PIBF1: variants seen among roughly 807,000 people sequenced by gnomAD.
PIBF1 encodes the protein progesterone-induced-blocking factor 1.
A neutral mutation model predicts 112.5 loss-of-function variants in PIBF1; 90 were observed. That is an observed-to-expected ratio of 0.80 (90% CI 0.67 to 0.95). The LOEUF (loss-of-function observed/expected upper bound fraction) is 0.95. PIBF1 is among the 40% of genes least tolerant of loss of function. The pLI, the probability that PIBF1 is intolerant of heterozygous loss-of-function variation, is 0.00. For synonymous variants in PIBF1, 301 were observed against 288.6 expected (o/e 1.04, Z -0.44); for missense variants, 915 against 852.3 (o/e 1.07, Z -0.92).
At chr13:72,978,863 A>G (rs1158061818) in intron 16 of PIBF1, among the ~76,000 whole-genome samples, 2 of 152,212 alleles carry the variant, frequency 1.3e-5, no homozygotes, top group African/African-American at 2.4e-5. Context: ...GCAGGACTTC[A>G]AATAAAACAT....
chr13:72,806,393 C>CT (rs2035735572), intron 5 of PIBF1, among the ~76,000 whole-genome samples: 1 of 149,662 alleles, frequency 6.7e-6, no homozygotes. Flanking sequence ...TTTTATTGTA[C>CT]TTTAAGTTCT....
chr13:72,986,173 A>G (rs1162981117), intron 16 of PIBF1, among the ~76,000 whole-genome samples: 2 of 152,064 alleles, frequency 1.3e-5, no homozygotes, highest in Non-Finnish European at 2.9e-5. Flanking sequence ...AAACAAAACA[A>G]AAAAGAAGGA....
At chr13:72,859,918 C>T (rs1481398556) in intron 10 of PIBF1, among the ~76,000 whole-genome samples, 6 of 152,124 alleles carry the variant, frequency 3.9e-5, no homozygotes, top group Admixed American at 6.5e-5. Context: ...GCTGTAACTA[C>T]CTACAAGTAT....
intron 17 of PIBF1, among the ~76,000 whole-genome samples, chr13:73,011,246 G>A (rs2044194730): frequency 6.6e-6 from 1 of 152,166 alleles, no homozygotes; most frequent in Non-Finnish European, 1.5e-5. Context: ...CCATGGATGG[G>A]AACCAGTGCT....
chr13:73,007,286 A>T (rs1194777982), intron 17 of PIBF1, among the ~76,000 whole-genome samples: 1 of 148,654 alleles, frequency 6.7e-6, no homozygotes, highest in Non-Finnish European at 1.5e-5. Flanking sequence ...AAAAGCAGTT[A>T]ATTTTTGTTT....
At chr13:72,936,242 G>A (rs2041869956) in intron 14 of PIBF1, among the ~76,000 whole-genome samples, 1 of 151,940 alleles carries the variant, frequency 6.6e-6, no homozygotes, top group African/African-American at 2.4e-5. Flanking sequence ...TCACTATGTT[G>A]CTCAGGTTGT....
chr13:72,873,852 T>C (rs2039278315), intron 10 of PIBF1, among the ~76,000 whole-genome samples: 1 of 151,970 alleles, frequency 6.6e-6, no homozygotes, highest in African/African-American at 2.4e-5. Flanking sequence ...AAACCACATA[T>C]CTAATAAAGG....
chr13:72,853,024 TTTTA>T (rs1000919702), intron 9 of PIBF1, among the ~76,000 whole-genome samples: 4 of 151,886 alleles, frequency 2.6e-5, no homozygotes, highest in African/African-American at 7.3e-5. Context: ...ATTACATTCT[TTTTA>T]TTTATGTTGT....
chr13:72,957,135 C>G (rs1232093085), intron 14 of PIBF1, among the ~76,000 whole-genome samples: 2 of 152,052 alleles, frequency 1.3e-5, no homozygotes, highest in Non-Finnish European at 2.9e-5. Flanking sequence ...GTAGATCTAC[C>G]ATTTGATCCA....
chr13:72,905,129 A>G (rs1342656359), intron 11 of PIBF1, among the ~76,000 whole-genome samples: 3 of 150,182 alleles, frequency 2.0e-5, no homozygotes, highest in Non-Finnish European at 4.4e-5. Flanking sequence ...GTGTGATGGC[A>G]TGATCTCAGC....
At chr13:72,925,730 C>T (rs1285517285) in intron 13 of PIBF1, among the ~76,000 whole-genome samples, 3 of 151,554 alleles carry the variant, frequency 2.0e-5, no homozygotes, top group East Asian at 1.9e-4. Context: ...TTAGGAGAGA[C>T]GGGGTTTCAC....
At chr13:72,835,204 A>C in intron 8 of PIBF1, 39 bp from the exon 9 acceptor site, 1 of 1,490,968 alleles carries the variant, frequency 6.7e-7, no homozygotes, top group East Asian at 2.4e-5. Flanking sequence ...TATTTGTTTC[A>C]AAAGAAAATT....
intron 14 of PIBF1, among the ~76,000 whole-genome samples, chr13:72,945,093 T>G (rs1453834324): frequency 2.0e-5 from 3 of 152,210 alleles, no homozygotes; most frequent in African/African-American, 7.2e-5. Context: ...CCCATCTTTA[T>G]GTCCATATGT....
chr13:72,933,738 G>A (rs2041781608), intron 14 of PIBF1, among the ~76,000 whole-genome samples: 1 of 152,130 alleles, frequency 6.6e-6, no homozygotes, highest in Non-Finnish European at 1.5e-5. Context: ...GAAATTAAGT[G>A]TTAAATGCTC....
At chr13:72,861,186 A>G (rs1196886722) in intron 10 of PIBF1, among the ~76,000 whole-genome samples, 2 of 152,126 alleles carry the variant, frequency 1.3e-5, no homozygotes, top group Non-Finnish European at 2.9e-5. Flanking sequence ...TAATCCAGGC[A>G]CTTTGGGAGG....
chr13:72,907,136 A>G (rs539492930), intron 11 of PIBF1, among the ~76,000 whole-genome samples: 53 of 152,104 alleles, frequency 3.5e-4, no homozygotes, highest in Non-Finnish European at 6.8e-4. Flanking sequence ...TGCTGTTCCC[A>G]TTTTATTCCT....
chr13:72,990,548 C>A lies in PIBF1; in HGVS notation c.2050-8274C>A, dbSNP rs377749603. 1.1e-3 allele frequency among the ~76,000 whole-genome samples: 150 copies of A among 133,836 alleles called. No homozygotes were observed. The Middle Eastern group carries it at 0.037, about 33-fold the overall frequency. 87.8% of individuals were successfully genotyped at this position (133,836 alleles called of 152,430 possible). A position where few individuals can be genotyped will look rare whatever the true frequency, so the allele number is the denominator to read the frequency against. ...CATCTCAAAAAAAAAAAAAAAAAAC[C>A]TTTTAAATGAAGTTTAAAGCTGGGC... is the stretch of plus-strand genomic sequence containing the variant. On this transcript the variant is annotated intron_variant, in intron 16 of 17. Transcript: ENST00000326291.
In PIBF1 at chr13:72,827,782, A is replaced by G. The variant is rs1317546179; in HGVS notation, c.965A>G (p.Tyr322Cys). The change falls in exon 8 of 18, where the codon TAT (tyrosine) becomes TGT (cysteine). Residue 322 changes from tyrosine (Y) to cysteine (C), a missense_variant. Transcript: ENST00000326291. ...ACTTTACTGCAAAAGGATAAAGAAT[A>G]TCTTAATCGCCAAAACATGGAGCTT... ...TVTLLQKDKEYLNRQNMELSV... is the reference protein window; with the variant it reads ...TVTLLQKDKECLNRQNMELSV... The G allele has an allele frequency of 1.2e-6, 2 of 1,601,578 alleles. No homozygotes were observed. Among genetic ancestry groups the G allele is most frequent in the Non-Finnish European group, 1.7e-6 (2 of 1,174,172 alleles).
At chr13:72,918,950 C>G (rs2041200211) in intron 13 of PIBF1, among the ~76,000 whole-genome samples, 1 of 151,746 alleles carries the variant, frequency 6.6e-6, no homozygotes, top group Non-Finnish European at 1.5e-5. Context: ...GTGATCCACC[C>G]ACCTCGGCCT....
Sources: allele counts gnomAD v4.1 joint callset (sites outside exome capture counted in the v4.1 genomes callset), GRCh38; gene constraint gnomAD v4.1.1; transcripts MANE v1.5; gene names NCBI Gene and HGNC (gene_info 2026-07-23, HGNC 2026-07-21).